YBEY: variants seen among roughly 807,000 people sequenced by gnomAD.
YBEY encodes the protein ybeY metalloendoribonuclease.
YBEY carries 15 observed loss-of-function variants against 13.5 expected under a neutral mutation model. The ratio of observed to expected loss-of-function variants is 1.11; its 90% CI spans 0.75 to 1.72. The LOEUF is 1.72. Ranked by LOEUF, YBEY falls within the 40% of genes most tolerant of loss-of-function variation. The pLI, the probability that YBEY is intolerant of heterozygous loss-of-function variation, is 0.00. For synonymous variants in YBEY, 101 were observed against 83.1 expected (o/e 1.21, Z -1.17); for missense variants, 244 against 208.4 (o/e 1.17, Z -1.05).
chr21:46,296,210 A>C lies in YBEY; in HGVS notation c.388A>C (p.Thr130Pro). 6.2e-7 allele frequency: 1 copy of C among 1,613,782 alleles called. No homozygotes were observed. The highest frequency in any genetic ancestry group is 1.3e-5 in the African/African-American group (1 of 75,046). Residue 130 changes from threonine to proline, a missense_variant, in exon 4 of 5, where the codon ACG (threonine) becomes CCG (proline). Coordinates refer to ENST00000397701, the MANE Select transcript of YBEY (RefSeq NM_001314025.2). ...LCHLLGFTHGTEAEWQQMFQK... is the reference protein window; with the variant it reads ...LCHLLGFTHGPEAEWQQMFQK... The stretch of plus-strand genomic sequence containing the variant: ...TCACTTGCTGGGATTCACACACGGC[A>C]CGGAGGCAGAGTGGCAGCAGGTAAG...
At position 46,288,444 on chromosome 21, in the gene YBEY, G is replaced by A. The variant is rs373381036; in HGVS notation, c.210+1321G>A. ...TGTAATCCCAGCACTTTGGGAGGCC[G>A]AGGTGGGTGGATCACGATGTCAGGA... On this transcript the variant is annotated intron_variant, in intron 2 of 4. Transcript: ENST00000397701. 3.0e-3 allele frequency among the ~76,000 whole-genome samples: 463 copies of A among 152,058 alleles called. 23 individuals carry two copies. The South Asian group carries it at 0.075, about 25-fold the overall frequency.
rs530509746 is a variant in YBEY, at chr21:46,287,449, C to T, written c.210+326C>T. Among the ~76,000 whole-genome samples, 4 of 152,146 alleles carry T rather than the reference C, an allele frequency of 2.6e-5. No homozygotes were observed. The South Asian group carries it at 6.2e-4, about 24-fold the overall frequency. On this transcript the variant is annotated intron_variant, in intron 2 of 4. Coordinates refer to ENST00000397701, the MANE Select transcript of YBEY (RefSeq NM_001314025.2). ...AACTGATCTCAGGTGATCTGCCTGCCTCGGGCTTCCCAGAGTGTTGGGATT... is the reference window on the plus strand; with the variant it reads ...AACTGATCTCAGGTGATCTGCCTGCTTCGGGCTTCCCAGAGTGTTGGGATT...
chr21:46,297,413 G>A (rs1002132809), intron 4 of YBEY, 126 bp from the exon 5 acceptor site: 5 of 941,108 alleles, frequency 5.3e-6, no homozygotes, highest in Admixed American at 8.6e-5. Flanking sequence ...TTCGGCCTGA[G>A]CTAGAGCCGC....
chr21:46,297,545 CAGA>C lies in YBEY; in HGVS notation c.418_420del (p.Lys140del), dbSNP rs751404056. On this transcript the variant is annotated inframe_deletion, in exon 5 of 5. Coordinates refer to ENST00000397701, the MANE Select transcript of YBEY (RefSeq NM_001314025.2). Reference sequence around the variant, plus strand: ...CGCGCTTCCTTCCTTCCAGATGTTCCAGAAGGAGAAGGCGGTGCTGGACGAGCT... The same window carrying C: ...CGCGCTTCCTTCCTTCCAGATGTTCCAGGAGAAGGCGGTGCTGGACGAGCT... 1.6e-5 allele frequency: 23 copies of C among 1,396,862 alleles called. No homozygotes were observed. The highest frequency in any genetic ancestry group is 2.2e-5 in the Non-Finnish European group (23 of 1,063,740). 86.5% of individuals were successfully genotyped at this position (1,396,862 alleles called of 1,614,324 possible). A position where few individuals can be genotyped will look rare whatever the true frequency, so the allele number is the denominator to read the frequency against.
At chr21:46,308,849 T>C in the YBEY span, among the ~76,000 whole-genome samples, 1 of 152,154 alleles carries the variant, frequency 6.6e-6, no homozygotes, top group Non-Finnish European at 1.5e-5. Flanking sequence ...GGTGGCTTTA[T>C]AATAAGAGGA....
intron 4 of YBEY, among the ~76,000 whole-genome samples, 175 bp from the exon 5 acceptor site, chr21:46,297,364 C>G (rs1203439991): frequency 2.2e-5 from 3 of 135,308 alleles, no homozygotes; most frequent in Non-Finnish European, 3.2e-5. Flanking sequence ...ACTCGCTGAG[C>G]TCAGGTTCTG....
the YBEY span, among the ~76,000 whole-genome samples, chr21:46,302,937 C>T: frequency 6.9e-6 from 1 of 143,944 alleles, no homozygotes; most frequent in Non-Finnish European, 1.5e-5. Context: ...TGCGGGTCCC[C>T]GGGGCGCGCC....
downstream of YBEY, chr21:46,300,841 T>C: frequency 8.4e-7 from 1 of 1,190,672 alleles, no homozygotes; most frequent in Non-Finnish European, 1.1e-6. Flanking sequence ...TAAAAATATG[T>C]AAACAACATT....
the YBEY span, among the ~76,000 whole-genome samples, chr21:46,306,121 G>A: frequency 6.6e-6 from 1 of 151,874 alleles, no homozygotes; most frequent in Non-Finnish European, 1.5e-5. Flanking sequence ...TGGATTATCT[G>A]GGCAAGCCCA....
downstream of YBEY, among the ~76,000 whole-genome samples, chr21:46,298,434 C>CTT (rs557264546): frequency 1.0e-4 from 10 of 97,156 alleles, 1 homozygote; most frequent in South Asian, 4.0e-4. Flanking sequence ...TTAATCCAAG[C>CTT]TTTTTTTTTT....
At chr21:46,297,407 G>A (rs1302931817) in intron 4 of YBEY, 132 bp from the exon 5 acceptor site, 3 of 846,304 alleles carry the variant, frequency 3.5e-6, no homozygotes, top group Non-Finnish European at 4.7e-6. Context: ...CCCGCCTTCG[G>A]CCTGAGCTAG....
chr21:46,311,525 G>C, the YBEY span: 16 of 1,612,184 alleles, frequency 9.9e-6, no homozygotes, highest in East Asian at 3.1e-4. Flanking sequence ...ATGAGTGGCT[G>C]CTGAGGGAGC....
At chr21:46,290,769 G>C (rs2081665056) in intron 2 of YBEY, among the ~76,000 whole-genome samples, 2 of 151,868 alleles carry the variant, frequency 1.3e-5, no homozygotes, top group African/African-American at 4.8e-5. Context: ...AATTAGGCCA[G>C]ACGCGGTGGC....
intron 4 of YBEY, among the ~76,000 whole-genome samples, chr21:46,297,142 C>T (rs535567426): frequency 6.7e-6 from 1 of 149,966 alleles, no homozygotes; most frequent in South Asian, 2.1e-4. Context: ...CTACTAAAAA[C>T]GCAAAGATTA....
At chr21:46,295,725 C>CT (rs1569103543) in intron 3 of YBEY, among the ~76,000 whole-genome samples, 3 of 151,778 alleles carry the variant, frequency 2.0e-5, no homozygotes, top group Admixed American at 2.0e-4. Context: ...GAGGCCCCAT[C>CT]CTGACTGGGG....
the YBEY span, among the ~76,000 whole-genome samples, chr21:46,306,634 C>A: frequency 6.6e-6 from 1 of 152,204 alleles, no homozygotes. Flanking sequence ...CTTGCCCAGA[C>A]TGCAGTACAG....
At position 46,296,248 on chromosome 21, in the gene YBEY, C is replaced by T. The variant is rs1384621942; in HGVS notation, c.408+18C>T. 1.3e-5 allele frequency: 21 copies of T among 1,612,956 alleles called. No individual in the cohort carries two copies. Among genetic ancestry groups the T allele is most frequent in the Non-Finnish European group, 1.7e-5 (20 of 1,180,018 alleles). ...GGCAGCAGGTAAGGAGCCCATCCATCCCACTACCGAGGGGGTGCGTGGGGG... is the reference window on the plus strand; with the variant it reads ...GGCAGCAGGTAAGGAGCCCATCCATTCCACTACCGAGGGGGTGCGTGGGGG... On this transcript the variant is annotated intron_variant, in intron 4 of 4. Transcript: ENST00000397701.
At chr21:46,303,617 C>T in the YBEY span, among the ~76,000 whole-genome samples, 15 of 136,990 alleles carry the variant, frequency 1.1e-4, 1 homozygote, top group South Asian at 3.2e-3. Flanking sequence ...TTTGGGAGAC[C>T]GAGACAGGAG....
At chr21:46,304,722 C>T in the YBEY span, among the ~76,000 whole-genome samples, 1 of 152,094 alleles carries the variant, frequency 6.6e-6, no homozygotes, top group African/African-American at 2.4e-5. Context: ...TATTTCCTGA[C>T]ACAGCCATTT....
Sources: allele counts gnomAD v4.1 joint callset (sites outside exome capture counted in the v4.1 genomes callset), GRCh38; gene constraint gnomAD v4.1.1; transcripts MANE v1.5; gene names NCBI Gene and HGNC (gene_info 2026-07-23, HGNC 2026-07-21).